Variants in TRRAP observed in about 807,000 individuals in gnomAD.
TRRAP encodes transformation/transcription domain associated protein.
TRRAP carries 41 observed loss-of-function variants against 438.8 expected under a neutral mutation model. The ratio of observed to expected loss-of-function variants is 0.09; its 90% CI spans 0.07 to 0.12. TRRAP has a LOEUF of 0.12. TRRAP is among the 10% of genes least tolerant of loss of function. The probability of loss-of-function intolerance (pLI) is 1.00; values close to 1 mark genes in which losing one functional copy is unlikely to be tolerated. For missense variants in TRRAP, 3,122 were observed against 5,055.1 expected, an observed-to-expected ratio of 0.62 and a Z score of 11.60; for synonymous variants, 1,994 against 1,962.9, an observed-to-expected ratio of 1.02 and a Z score of -0.42.
intron 31 of TRRAP, 47 bp downstream of exon 31, chr7:98,943,064 G>C (rs1554416050): frequency 6.2e-7 from 1 of 1,605,148 alleles, no homozygotes; most frequent in Non-Finnish European, 8.5e-7. Context: ...CGCCATGCTG[G>C]GTCAGTGCTA....
chr7:98,982,552 C>T (rs180870244), intron 59 of TRRAP, among the ~76,000 whole-genome samples: 230 of 152,292 alleles, frequency 1.5e-3, no homozygotes, highest in Non-Finnish European at 2.3e-3. Flanking sequence ...TGATTCAGAG[C>T]CATGCTCATC....
At chr7:98,972,519 G>A (rs1400324331) in intron 53 of TRRAP, among the ~76,000 whole-genome samples, 1 of 152,216 alleles carries the variant, frequency 6.6e-6, no homozygotes, top group African/African-American at 2.4e-5. Context: ...GCTAAATCAA[G>A]CCCACTTTGT....
intron 51 of TRRAP, among the ~76,000 whole-genome samples, chr7:98,969,211 G>A (rs1792296352): frequency 6.6e-6 from 1 of 152,108 alleles, no homozygotes; most frequent in Admixed American, 6.5e-5. Flanking sequence ...ATTGTGCGTG[G>A]CATAAAATCC....
chr7:98,998,628 G>GT (rs1404902767), intron 67 of TRRAP: 2 of 158,242 alleles, frequency 1.3e-5, no homozygotes, highest in Admixed American at 1.3e-4. Flanking sequence ...CGAAATGTTT[G>GT]TAAGGGGTTG....
intron 67 of TRRAP, among the ~76,000 whole-genome samples, chr7:99,003,216 C>A (rs2283015): frequency 1.3e-5 from 2 of 152,052 alleles, no homozygotes; most frequent in Non-Finnish European, 2.9e-5. Context: ...GGGAGGAAGT[C>A]GAGGCGTTCT....
chr7:98,966,916 T>C (rs1792184116), intron 49 of TRRAP, 125 bp from the exon 50 acceptor site: 6 of 975,482 alleles, frequency 6.2e-6, no homozygotes, highest in Non-Finnish European at 8.8e-6. Flanking sequence ...GATAAAGCCA[T>C]CTTTGCCTTA....
chr7:98,906,854 T>C (rs1375890430), intron 13 of TRRAP, among the ~76,000 whole-genome samples: 1 of 152,166 alleles, frequency 6.6e-6, no homozygotes, highest in Non-Finnish European at 1.5e-5. Context: ...TTATTATTGT[T>C]TTTTGCTTTT....
At position 98,956,382 on chromosome 7, in the gene TRRAP, G is replaced by C; in HGVS notation, c.6097-17G>C. ...TAGAAATCAGTCAGTAAAACCAAGC[G>C]CCTGTGTGTTTTTAAGCCGGATTCA... On this transcript the variant is annotated splice_polypyrimidine_tract_variant and intron_variant, in intron 42 of 72. Transcript: ENST00000456197. The surrounding 1 kb of genome is among the most constrained non-coding windows in gnomAD (Gnocchi z 4.5). 6.2e-7 allele frequency: 1 copy of C among 1,613,646 alleles called. No individual in the cohort carries two copies. Among genetic ancestry groups the C allele is most frequent in the Middle Eastern group, 1.7e-4 (1 of 6,058 alleles).
chr7:98,976,065 C>T lies in TRRAP; in HGVS notation c.7840-84C>T, dbSNP rs149002659. The stretch of plus-strand genomic sequence containing the variant: ...GGAGGAGCATCGGTAATGTATGAGA[C>T]AGATCATGGGTGTCTTCTGAGCGTG... On this transcript the variant is annotated intron_variant, in intron 53 of 72. Transcript: ENST00000456197. This position sits in a 1 kb window ranked among gnomAD's most constrained non-coding sequence, Gnocchi z 4.6. The T allele has an allele frequency of 6.5e-6, 10 of 1,531,584 alleles. No homozygotes were observed. The East Asian group carries it at 1.6e-4, about 24-fold the overall frequency. The allele number at this position is 1,531,584 out of a possible 1,614,324, so 94.9% of individuals were successfully genotyped here.
At position 98,963,941 on chromosome 7, in the gene TRRAP, C is replaced by T. The variant is rs190776282; in HGVS notation, c.6830-688C>T. Among the ~76,000 whole-genome samples the T allele has an allele frequency of 6.7e-3, 1,011 of 151,860 alleles. 16 individuals are homozygous for T. Among genetic ancestry groups the T allele is most frequent in the African/African-American group, 0.023 (942 of 41,418 alleles). The stretch of plus-strand genomic sequence containing the variant: ...ACTAAAAATACAAAAATTAGCCGGG[C>T]GTGGTGGCAGGTGCCTGTAATCCCA... On this transcript the variant is annotated intron_variant, in intron 47 of 72. Transcript: ENST00000456197.
At chr7:98,995,127 C>A (rs952382740) in intron 67 of TRRAP, among the ~76,000 whole-genome samples, 1 of 152,198 alleles carries the variant, frequency 6.6e-6, no homozygotes, top group Admixed American at 6.5e-5. Flanking sequence ...TCCTGCCTTC[C>A]TGAGACCCTT....
At chr7:98,996,339 G>A (rs754352632) in intron 67 of TRRAP, among the ~76,000 whole-genome samples, 4 of 152,262 alleles carry the variant, frequency 2.6e-5, no homozygotes, top group East Asian at 1.9e-4. Flanking sequence ...ACTTACCTGC[G>A]GGCTCCCTAG....
Position 98,930,052 on chromosome 7 carries a change from A to G in TRRAP, c.3239A>G (p.Glu1080Gly). ...SQPSTAMFHS[E>G]ENGSKGMDPL... is the part of the protein sequence containing the mutation. ...CCCAGCACAGCCATGTTTCACAGTG[A>G]AGAAAATGGCTCGAAAGGAATGGAT... Residue 1080 changes from glutamate to glycine, a missense_variant, in exon 24 of 73, where the codon GAA becomes GGA. By Grantham distance (98) the Glu-to-Gly change is moderately conservative. Transcript: ENST00000456197. The G allele has an allele frequency of 6.2e-7, 1 of 1,614,190 alleles. No homozygotes were observed. The highest frequency in any genetic ancestry group is 1.1e-5 in the South Asian group (1 of 91,078).
At chr7:98,990,428 A>G (rs1282654884) in intron 63 of TRRAP, 27 bp from the exon 64 acceptor site, 1 of 1,607,362 alleles carries the variant, frequency 6.2e-7, no homozygotes, top group African/African-American at 1.3e-5. Flanking sequence ...TTGTCATTCT[A>G]CTCTAGAATT....
chr7:98,941,699 T>C (rs1554415647), intron 30 of TRRAP, among the ~76,000 whole-genome samples: 2 of 152,188 alleles, frequency 1.3e-5, no homozygotes, highest in Admixed American at 1.3e-4. Flanking sequence ...GGGAATGTTG[T>C]TGGTAAAATG....
Position 98,959,364 on chromosome 7 carries a change from A to G in TRRAP, c.6363A>G (p.Thr2121=), listed in dbSNP as rs1272655896. 3.1e-6 allele frequency: 5 copies of G among 1,613,916 alleles called. No individual in the cohort carries two copies. Among genetic ancestry groups the G allele is most frequent in the East Asian group, 2.2e-5 (1 of 44,884 alleles). ...VACQVNDNTN[T]AGSPGEVLSR... The stretch of plus-strand genomic sequence containing the variant: ...CCTAGGTTAATGACAACACCAACAC[A>G]GCGGGGTCCCCTGGGGAGGTGCTCT... Residue 2121 remains threonine (T), a synonymous_variant, in exon 45 of 73, where the codon ACA becomes ACG. Coordinates refer to ENST00000456197, the MANE Select transcript of TRRAP (RefSeq NM_001375524.1).
At chr7:98,931,314 A>G in intron 25 of TRRAP, 91 bp from the exon 26 acceptor site, 1 of 1,539,746 alleles carries the variant, frequency 6.5e-7, no homozygotes, top group Non-Finnish European at 8.7e-7. Flanking sequence ...GACCCCAGTG[A>G]CAGTCTTTAT....
At chr7:98,985,379 T>C (rs981104430) in intron 62 of TRRAP, among the ~76,000 whole-genome samples, 1 of 152,138 alleles carries the variant, frequency 6.6e-6, no homozygotes, top group African/African-American at 2.4e-5. Flanking sequence ...AGACCAGGGG[T>C]CAGTAAAGGA....
intron 53 of TRRAP, among the ~76,000 whole-genome samples, chr7:98,975,005 G>T (rs905122111): frequency 6.6e-6 from 1 of 152,204 alleles, no homozygotes; most frequent in Non-Finnish European, 1.5e-5. Flanking sequence ...TTTATCAGCA[G>T]GTCAGTGACC....
Sources: allele counts gnomAD v4.1 joint callset (sites outside exome capture counted in the v4.1 genomes callset), GRCh38; gene constraint gnomAD v4.1.1; non-coding constraint Gnocchi (gnomAD v3.1); transcripts MANE v1.5; gene names NCBI Gene and HGNC (gene_info 2026-07-23, HGNC 2026-07-21).